The following MACF1 variants were observed in gnomAD, a reference collection of about 807,000 sequenced individuals.
The protein encoded by MACF1 is microtubule actin crosslinking factor 1.
A neutral mutation model predicts 854.8 loss-of-function variants in MACF1; 193 were observed. The observed-to-expected ratio is 0.23, with a 90% confidence interval of 0.20 to 0.25. The LOEUF is 0.25. MACF1 is among the 10% of genes least tolerant of loss of function. MACF1 has a pLI of 1.00. For missense variants in MACF1, 7,722 were observed against 8,929.1 expected, an observed-to-expected ratio of 0.86 and a Z score of 5.45; for synonymous variants, 3,185 against 3,226.7, an observed-to-expected ratio of 0.99 and a Z score of 0.44.
chr1:39,477,153 C>CTTATTGTATATAT (rs1644923559), intron 97 of MACF1, among the ~76,000 whole-genome samples: 1 of 119,246 alleles, frequency 8.4e-6, no homozygotes, highest in African/African-American at 2.9e-5. Flanking sequence ...CACACACACA[C>CTTATTGTATATAT]AGATGTGCAA....
At chr1:39,151,752 T>C (rs1643584293) in intron 2 of MACF1, among the ~76,000 whole-genome samples, 1 of 152,146 alleles carries the variant, frequency 6.6e-6, no homozygotes, top group Non-Finnish European at 1.5e-5. Flanking sequence ...TGTACCATAT[T>C]ATGTGTTAGG....
rs145450954 is a variant in MACF1 at position 39,337,193 on chromosome 1, C to T, written c.10077C>T (p.Thr3359=). ...TTTTGGCTCCACAGAATGTATTTAC[C>T]CGGCAACTCTGTTTAGAACATGATG... The part of the protein sequence containing the change: ...EPFRATQNVF[T]RQLCLEHDEK... The change falls in exon 38 of 101, where the codon ACC becomes ACT. Residue 3359 remains threonine, a synonymous_variant. Transcript: ENST00000564288. The T allele has an allele frequency of 2.0e-5, 33 of 1,611,990 alleles. No individual in the cohort carries two copies. The African/African-American group carries it at 4.1e-4, about 20-fold the overall frequency.
rs148258487 is a variant in MACF1 at position 39,410,993 on chromosome 1, G to C, written c.15817-11381G>C. On this transcript the variant is annotated intron_variant, in intron 58 of 100. Coordinates refer to ENST00000564288, the MANE Select transcript of MACF1 (RefSeq NM_001394062.1). ...GTAGAATCAGAAGCTGTAGCAACAA[G>C]TGGTAACACAGATGTAATGCAGGAA... 1.9e-5 allele frequency: 31 copies of C among 1,614,050 alleles called. No homozygotes were observed. In the African/African-American group the frequency reaches 3.2e-4, roughly 17 times the overall value.
intron 2 of MACF1, among the ~76,000 whole-genome samples, chr1:39,194,341 CTTTTCTTTTCTTTTTTT>C (rs1282858080): frequency 1.1e-4 from 8 of 70,028 alleles, no homozygotes; most frequent in Admixed American, 5.9e-4. Flanking sequence ...CTTTTCTTTT[CTTTTCTTTTCTTTTTTT>C]TTTTTTTTTT....
chr1:39,173,649 T>A (rs1244104136), intron 2 of MACF1, among the ~76,000 whole-genome samples: 1 of 152,164 alleles, frequency 6.6e-6, no homozygotes, highest in East Asian at 1.9e-4. Context: ...GAGTAGAGAC[T>A]CTGTTATTTC....
chr1:39,260,945 G>A (rs1406154731), intron 6 of MACF1, among the ~76,000 whole-genome samples: 1 of 151,876 alleles, frequency 6.6e-6, no homozygotes, highest in Non-Finnish European at 1.5e-5. Context: ...TAATATATAT[G>A]AATCCAAGTG....
rs775268807 is a variant in MACF1, at chr1:39,297,661, C to T, written c.2397C>T (p.Asn799=). The T allele has an allele frequency of 1.2e-6, 2 of 1,614,140 alleles. No homozygotes were observed. The highest frequency in any genetic ancestry group is 4.5e-5 in the East Asian group (2 of 44,882). ...GAGAGCTGGAGTCATTCTTGAGGAA[C>T]CTCCAAGATTCCATTAAACGAAAAT... is the stretch of plus-strand genomic sequence containing the variant. The part of the protein sequence containing the change: ...DARELESFLR[N]LQDSIKRKYS... Residue 799 remains asparagine, a synonymous_variant, in exon 21 of 101, where the codon AAC becomes AAT. Transcript: ENST00000564288.
chr1:39,178,338 A>G (rs1324304289), intron 2 of MACF1, among the ~76,000 whole-genome samples: 1 of 152,162 alleles, frequency 6.6e-6, no homozygotes, highest in East Asian at 1.9e-4. Flanking sequence ...CACATGTACT[A>G]ACACCTTTCC....
intron 35 of MACF1, 101 bp from the exon 36 acceptor site, chr1:39,327,117 C>A: frequency 8.8e-7 from 1 of 1,133,488 alleles, no homozygotes; most frequent in East Asian, 2.6e-5. Flanking sequence ...GGAAGAAGAT[C>A]ATCCATCCAA....
chr1:39,337,562 ATTTTTTTTTT>A (rs35312351), intron 38 of MACF1, among the ~76,000 whole-genome samples: 2 of 100,162 alleles, frequency 2.0e-5, no homozygotes, highest in East Asian at 5.9e-4. Context: ...AATTACTACC[ATTTTTTTTTT>A]TTTTTTTTTT....
intron 6 of MACF1, among the ~76,000 whole-genome samples, chr1:39,270,189 A>G (rs1645290354): frequency 6.6e-6 from 1 of 152,196 alleles, no homozygotes; most frequent in South Asian, 2.1e-4. Flanking sequence ...TGATATTCTT[A>G]CTAGAGCTGA....
intron 58 of MACF1, among the ~76,000 whole-genome samples, chr1:39,395,703 C>A (rs1245444050): frequency 6.6e-6 from 1 of 152,112 alleles, no homozygotes; most frequent in Non-Finnish European, 1.5e-5. Flanking sequence ...CCTTATGTGA[C>A]CACCCCCACC....
chr1:39,094,520 G>A (rs952689212), intron 2 of MACF1, among the ~76,000 whole-genome samples: 5 of 151,972 alleles, frequency 3.3e-5, no homozygotes, highest in African/African-American at 4.8e-5. Context: ...TCAGGAGTTC[G>A]ATACCAGCCT....
At position 39,333,308 on chromosome 1, in the gene MACF1, TA is replaced by T; in HGVS notation, c.6723del (p.Glu2242LysfsTer13). On this transcript the variant is annotated frameshift_variant, in exon 37 of 101. Coordinates refer to ENST00000564288, the MANE Select transcript of MACF1 (RefSeq NM_001394062.1). LOFTEE classifies it high-confidence loss of function. ...AAACATTTCTGGCTAAGGATGACCA[TA>T]AAGAAAGTCAAGAAGCACAGAACAT... is the stretch of plus-strand genomic sequence containing the variant. ...KKTFLAKDDHKESQEAQNIAG... is the reference protein window; with the variant it reads ...KKTFLAKDDHXESQEAQNIAG... The T allele has an allele frequency of 6.2e-7, 1 of 1,614,058 alleles. No individual in the cohort carries two copies. The highest frequency in any genetic ancestry group is 8.5e-7 in the Non-Finnish European group (1 of 1,180,028).
chr1:39,411,675 TGAAAA>T (rs1345891893), intron 58 of MACF1: 5 of 1,613,798 alleles, frequency 3.1e-6, no homozygotes, highest in African/African-American at 1.3e-5. Flanking sequence ...TTCTTGAACT[TGAAAA>T]GGAGTGTTTA....
chr1:39,377,109 C>T (rs920653194), intron 52 of MACF1, among the ~76,000 whole-genome samples: 2 of 152,086 alleles, frequency 1.3e-5, no homozygotes, highest in African/African-American at 4.8e-5. Flanking sequence ...CTCCCGGGTT[C>T]AATCGATTCT....
At chr1:39,195,613 A>G (rs1325912154) in intron 2 of MACF1, among the ~76,000 whole-genome samples, 1 of 152,178 alleles carries the variant, frequency 6.6e-6, no homozygotes, top group African/African-American at 2.4e-5. Context: ...GAGGAACTGG[A>G]GATAATTCTG....
At chr1:39,239,920 GTCTT>G (rs1465526891) in intron 2 of MACF1, among the ~76,000 whole-genome samples, 4 of 151,978 alleles carry the variant, frequency 2.6e-5, no homozygotes, top group Non-Finnish European at 4.4e-5. Context: ...CCGTCCGTCC[GTCTT>G]TCTGTCTTTC....
chr1:39,146,429 C>G (rs1158450172), intron 2 of MACF1, among the ~76,000 whole-genome samples: 1 of 143,878 alleles, frequency 7.0e-6, no homozygotes, highest in African/African-American at 2.6e-5. Context: ...GGTGACAGAG[C>G]AAGACTCTGT....
Sources: gnomAD v4.1 joint callset for allele counts (sites outside exome capture counted in the v4.1 genomes callset) on GRCh38, gnomAD v4.1.1 for gene constraint, MANE v1.5 for transcripts, NCBI Gene and HGNC (gene_info 2026-07-23, HGNC 2026-07-21) for gene names.